PRDM16: variants seen among roughly 807,000 people sequenced by gnomAD.
PRDM16 encodes PR/SET domain 16.
Under a neutral mutation model 110.6 loss-of-function variants are expected in PRDM16, and 23 were observed. The ratio of observed to expected loss-of-function variants is 0.21; its 90% CI spans 0.15 to 0.29. The LOEUF (loss-of-function observed/expected upper bound fraction) is 0.29. Among genes scored for constraint, PRDM16 ranks in the 10% least tolerant of loss-of-function variants. The probability of loss-of-function intolerance (pLI) is 1.00; values close to 1 mark genes in which losing one functional copy is unlikely to be tolerated. For synonymous variants in PRDM16, 799 were observed against 781.8 expected, an observed-to-expected ratio of 1.02 and a Z score of -0.37; for missense variants, 1,615 against 1,794.3, an observed-to-expected ratio of 0.90 and a Z score of 1.81.
intron 3 of PRDM16, among the ~76,000 whole-genome samples, chr1:3,338,454 C>G (rs984244236): frequency 6.6e-6 from 1 of 152,260 alleles, no homozygotes; most frequent in African/African-American, 2.4e-5. Context: ...GAAGCTAGGG[C>G]CAAGGTGCCC....
chr1:3,302,528 G>T (rs1290327020), intron 3 of PRDM16, among the ~76,000 whole-genome samples: 2 of 150,930 alleles, frequency 1.3e-5, no homozygotes, highest in East Asian at 3.9e-4. Context: ...ATGCAATATT[G>T]CAAAGCACAG....
intron 3 of PRDM16, among the ~76,000 whole-genome samples, chr1:3,306,355 C>T (rs1053050348): frequency 1.3e-5 from 2 of 152,212 alleles, no homozygotes; most frequent in Non-Finnish European, 1.5e-5. Flanking sequence ...ACAGGGTGCA[C>T]ATGTTAGAAA....
chr1:3,295,816 C>G (rs183349429), intron 3 of PRDM16, among the ~76,000 whole-genome samples: 4 of 152,160 alleles, frequency 2.6e-5, no homozygotes, highest in East Asian at 1.9e-4. Context: ...AGTAAATAAC[C>G]CTGTGAAGTG....
At chr1:3,165,514 T>A (rs112875298) in intron 1 of PRDM16, among the ~76,000 whole-genome samples, 39 of 84,756 alleles carry the variant, frequency 4.6e-4, no homozygotes, top group African/African-American at 1.8e-3. Flanking sequence ...GGGACTCACC[T>A]GGGCTCAGGG....
intron 1 of PRDM16, among the ~76,000 whole-genome samples, chr1:3,116,409 C>T (rs1256768740): frequency 1.3e-5 from 2 of 152,126 alleles, no homozygotes; most frequent in Admixed American, 6.5e-5. Context: ...GACGTGGCAC[C>T]GTACCTCCCT....
chr1:3,306,434 GA>G (rs1162736631), intron 3 of PRDM16, among the ~76,000 whole-genome samples: 2 of 152,190 alleles, frequency 1.3e-5, no homozygotes, highest in African/African-American at 4.8e-5. Context: ...TGATCGTCTG[GA>G]AGAACTCAGG....
intron 2 of PRDM16, among the ~76,000 whole-genome samples, chr1:3,224,824 G>T (rs1255698632): frequency 6.6e-6 from 1 of 152,236 alleles, no homozygotes; most frequent in Non-Finnish European, 1.5e-5. Context: ...ACCCTGAGCT[G>T]CTCCAGGCAA....
chr1:3,155,400 G>A (rs959200004), intron 1 of PRDM16, among the ~76,000 whole-genome samples: 1 of 152,244 alleles, frequency 6.6e-6, no homozygotes, highest in African/African-American at 2.4e-5. Context: ...TCGGGTTTGC[G>A]GTGTTATTGC....
intron 3 of PRDM16, among the ~76,000 whole-genome samples, chr1:3,264,689 AG>A (rs1640247760): frequency 6.9e-6 from 1 of 145,772 alleles, no homozygotes; most frequent in African/African-American, 2.6e-5. Flanking sequence ...ACCCCAGGCC[AG>A]GAGGGAGGCA....
At position 3,243,243 on chromosome 1, in the gene PRDM16, C is replaced by G. The variant is rs1262749493; in HGVS notation, c.388-844C>G. On this transcript the variant is annotated intron_variant, in intron 2 of 16. Coordinates refer to ENST00000270722, the MANE Select transcript of PRDM16 (RefSeq NM_022114.4). The surrounding 1 kb of genome is among the most constrained non-coding windows in gnomAD (Gnocchi z 5.5). ...GGCCACCCCGGGCACCTGCATGGCA[C>G]TAGGCACAGCGGCTTTTCTGCCTTA... Among the ~76,000 whole-genome samples the G allele has an allele frequency of 6.6e-6, 1 of 152,248 alleles. No individual in the cohort carries two copies. The highest frequency in any genetic ancestry group is 1.5e-5 in the Non-Finnish European group (1 of 68,048).
At chr1:3,147,430 C>T (rs921727783) in intron 1 of PRDM16, among the ~76,000 whole-genome samples, 2 of 152,088 alleles carry the variant, frequency 1.3e-5, no homozygotes, top group Admixed American at 6.5e-5. Context: ...GGCCTCCGAC[C>T]AGGTGCCCTG....
chr1:3,108,175 A>G (rs1368157110), intron 1 of PRDM16, among the ~76,000 whole-genome samples: 1 of 152,240 alleles, frequency 6.6e-6, no homozygotes, highest in African/African-American at 2.4e-5. Context: ...GCAAGGGGCC[A>G]TTGGTCTTGC....
chr1:3,430,818 A>G (rs1345694986), intron 14 of PRDM16, 54 bp from the exon 15 acceptor site: 19 of 1,595,308 alleles, frequency 1.2e-5, no homozygotes, highest in South Asian at 2.2e-5. Flanking sequence ...TTGGGGGTCC[A>G]TGGGAAGGAC....
chr1:3,092,274 C>A (rs1441219806), intron 1 of PRDM16, among the ~76,000 whole-genome samples: 1 of 152,128 alleles, frequency 6.6e-6, no homozygotes, highest in Non-Finnish European at 1.5e-5. Flanking sequence ...AGGTGCCAGG[C>A]ACGAGGGCTG....
chr1:3,298,439 C>T (rs573383389), intron 3 of PRDM16, among the ~76,000 whole-genome samples: 3 of 152,344 alleles, frequency 2.0e-5, no homozygotes, highest in South Asian at 2.1e-4. Flanking sequence ...AAATGAGCTT[C>T]GTTGCTCGAT....
At chr1:3,405,151 G>A (rs6424076) in intron 7 of PRDM16, among the ~76,000 whole-genome samples, 169 of 152,278 alleles carry the variant, frequency 1.1e-3, no homozygotes, top group African/African-American at 3.7e-3. Flanking sequence ...TCCTCCCGCC[G>A]GTGTGGAAGG....
chr1:3,118,954 A>G (rs1157008163), intron 1 of PRDM16, among the ~76,000 whole-genome samples: 1 of 152,204 alleles, frequency 6.6e-6, no homozygotes, highest in African/African-American at 2.4e-5. Context: ...TTTTGGCAAG[A>G]AAACACCCTG....
At chr1:3,185,581 G>C (rs1230909552) in intron 1 of PRDM16, among the ~76,000 whole-genome samples, 2 of 152,228 alleles carry the variant, frequency 1.3e-5, no homozygotes, top group Non-Finnish European at 2.9e-5. Context: ...CAGGGAAGCA[G>C]CACTGAGCAC....
intron 1 of PRDM16, among the ~76,000 whole-genome samples, chr1:3,075,836 C>T (rs935183445): frequency 6.6e-6 from 1 of 152,204 alleles, no homozygotes; most frequent in Non-Finnish European, 1.5e-5. Flanking sequence ...ACTCGTCAGG[C>T]GGAGCAGTGG....
Sources: gnomAD v4.1 joint callset for allele counts (sites outside exome capture counted in the v4.1 genomes callset) on GRCh38, gnomAD v4.1.1 for gene constraint, Gnocchi (gnomAD v3.1) non-coding constraint, MANE v1.5 for transcripts, NCBI Gene and HGNC (gene_info 2026-07-23, HGNC 2026-07-21) for gene names.